The following SUCLG2 variants were observed in gnomAD, a reference collection of about 807,000 sequenced individuals.
The protein encoded by SUCLG2 is succinate--CoA ligase [GDP-forming] subunit beta, mitochondrial.
SUCLG2 carries 42 observed loss-of-function variants against 47.9 expected under a neutral mutation model. The observed-to-expected ratio is 0.88, with a 90% CI of 0.69 to 1.14. The LOEUF (loss-of-function observed/expected upper bound fraction) is 1.14. SUCLG2 is among the 50% of genes most tolerant of loss of function. The pLI is 0.00. For synonymous variants in SUCLG2, 195 were observed against 197.3 expected, an observed-to-expected ratio of 0.99 and a Z score of 0.10; for missense variants, 571 against 525.9, an observed-to-expected ratio of 1.09 and a Z score of -0.84.
Position 67,461,779 on chromosome 3 carries a change from C to T in SUCLG2, c.1062+34019G>A, listed in dbSNP as rs550647950. On this transcript the variant is annotated intron_variant, in intron 9 of 10. Transcript: ENST00000307227. Reference sequence around the variant, plus strand: ...ATGTCCCCTGGGAGGTAGCATGGCCCCCAGCTGAGAACAGCTGATCTGGTC... The same window carrying T: ...ATGTCCCCTGGGAGGTAGCATGGCCTCCAGCTGAGAACAGCTGATCTGGTC... Among the ~76,000 whole-genome samples, 5 of 152,154 alleles carry T rather than the reference C, an allele frequency of 3.3e-5. No homozygotes were observed. The East Asian group carries it at 5.8e-4, about 18-fold the overall frequency.
chr3:67,623,028 C>G (rs543065972), intron 1 of SUCLG2, among the ~76,000 whole-genome samples: 1 of 152,268 alleles, frequency 6.6e-6, no homozygotes, highest in East Asian at 1.9e-4. Flanking sequence ...ACAAATAACT[C>G]TAGAAGTTGT....
At chr3:67,494,139 A>G (rs1347517999) in intron 9 of SUCLG2, among the ~76,000 whole-genome samples, 1 of 152,186 alleles carries the variant, frequency 6.6e-6, no homozygotes, top group Non-Finnish European at 1.5e-5. Context: ...TATGCATGCA[A>G]AACAAAACAG....
In SUCLG2 at chr3:67,589,093, T is replaced by G. The variant is rs80176671; in HGVS notation, c.226+20362A>C. On this transcript the variant is annotated intron_variant, in intron 2 of 10. Coordinates refer to ENST00000307227, the MANE Select transcript of SUCLG2 (RefSeq NM_003848.4). ...CTGTCCCTTGAAGTCACCAAGTACC[T>G]GGCCATCACCTATGTGATCCACCCA... 9.9e-3 allele frequency among the ~76,000 whole-genome samples: 1,509 copies of G among 152,266 alleles called. 8 individuals carry two copies. Among genetic ancestry groups the G allele is most frequent in the Non-Finnish European group, 0.016 (1,074 of 68,014 alleles).
chr3:67,526,315 A>G (rs1324682537), intron 4 of SUCLG2, among the ~76,000 whole-genome samples: 1 of 152,208 alleles, frequency 6.6e-6, no homozygotes, highest in African/African-American at 2.4e-5. Context: ...AAAAAATCTC[A>G]TAATGTTTAG....
intron 2 of SUCLG2, among the ~76,000 whole-genome samples, chr3:67,590,459 C>T (rs1354664678): frequency 1.3e-5 from 2 of 151,992 alleles, no homozygotes; most frequent in African/African-American, 4.8e-5. Flanking sequence ...GGGGGAAGAT[C>T]CCTCATGAAT....
chr3:67,479,789 C>T (rs1051966112), intron 9 of SUCLG2, among the ~76,000 whole-genome samples: 1 of 152,178 alleles, frequency 6.6e-6, no homozygotes, highest in African/African-American at 2.4e-5. Context: ...TATAGAAAGT[C>T]ACTTAAAAAT....
intron 1 of SUCLG2, among the ~76,000 whole-genome samples, chr3:67,616,353 G>A (rs973777889): frequency 6.6e-6 from 1 of 152,138 alleles, no homozygotes; most frequent in Non-Finnish European, 1.5e-5. Context: ...CCAGCAAGCT[G>A]CAGAACAATA....
chr3:67,543,465 G>A (rs533345611), intron 2 of SUCLG2, among the ~76,000 whole-genome samples: 2 of 152,114 alleles, frequency 1.3e-5, no homozygotes, highest in Non-Finnish European at 2.9e-5. Flanking sequence ...CCAGGAGTTC[G>A]AGACAAGCCT....
intron 2 of SUCLG2, among the ~76,000 whole-genome samples, chr3:67,583,503 C>T (rs575706883): frequency 2.0e-5 from 3 of 152,248 alleles, no homozygotes; most frequent in East Asian, 1.9e-4. Context: ...CTTTTGCTGT[C>T]GTGGCAGATT....
At chr3:67,534,808 G>A (rs1433697212) in intron 2 of SUCLG2, among the ~76,000 whole-genome samples, 2 of 121,672 alleles carry the variant, frequency 1.6e-5, no homozygotes, top group Non-Finnish European at 3.3e-5. Context: ...AAATGCCCAT[G>A]TGACATCATT....
At chr3:67,567,353 T>A (rs1241049522) in intron 2 of SUCLG2, among the ~76,000 whole-genome samples, 1 of 151,868 alleles carries the variant, frequency 6.6e-6, no homozygotes, top group Non-Finnish European at 1.5e-5. Flanking sequence ...TAGAGTACAG[T>A]GATGTAATCA....
chr3:67,598,851 A>G (rs1708352716), intron 2 of SUCLG2, among the ~76,000 whole-genome samples: 1 of 152,208 alleles, frequency 6.6e-6, no homozygotes, highest in Non-Finnish European at 1.5e-5. Context: ...AGATGAGGAA[A>G]TGGAGCCTTC....
chr3:67,509,226 A>T (rs945036475), intron 6 of SUCLG2, among the ~76,000 whole-genome samples: 1 of 152,210 alleles, frequency 6.6e-6, no homozygotes, highest in Non-Finnish European at 1.5e-5. Context: ...ACAATCATTA[A>T]TACAAACAAG....
At chr3:67,508,691 T>G in intron 7 of SUCLG2, 116 bp downstream of exon 7, 1 of 788,916 alleles carries the variant, frequency 1.3e-6, no homozygotes, top group Non-Finnish European at 2.0e-6. Flanking sequence ...TGGCAGAAAT[T>G]AAATTACTGA....
chr3:67,587,753 C>A (rs571221356), intron 2 of SUCLG2, among the ~76,000 whole-genome samples: 1 of 152,260 alleles, frequency 6.6e-6, no homozygotes, highest in South Asian at 2.1e-4. Flanking sequence ...TCAAATGTGT[C>A]ACCAAAGCCT....
At chr3:67,422,564 G>A (rs1175301101) in intron 9 of SUCLG2, among the ~76,000 whole-genome samples, 1 of 150,144 alleles carries the variant, frequency 6.7e-6, no homozygotes, top group Non-Finnish European at 1.5e-5. Context: ...TTGAGATGTG[G>A]AGACAAAGGA....
chr3:67,407,182 C>G (rs1043916317), intron 9 of SUCLG2, among the ~76,000 whole-genome samples: 5 of 152,188 alleles, frequency 3.3e-5, no homozygotes, highest in African/African-American at 1.2e-4. Flanking sequence ...TTTACAACAA[C>G]AAGCGGTGAG....
intron 10 of SUCLG2, among the ~76,000 whole-genome samples, chr3:67,396,887 T>A (rs921382184): frequency 1.3e-5 from 2 of 152,190 alleles, no homozygotes; most frequent in African/African-American, 4.8e-5. Flanking sequence ...TAAATAAATG[T>A]AATCCAGCAT....
chr3:67,576,437 T>C (rs573562723), intron 2 of SUCLG2, among the ~76,000 whole-genome samples: 1 of 152,344 alleles, frequency 6.6e-6, no homozygotes, highest in South Asian at 2.1e-4. Flanking sequence ...GAAATTTTCT[T>C]GATTCAGAAT....
Sources: gnomAD v4.1 joint callset for allele counts (sites outside exome capture counted in the v4.1 genomes callset) on GRCh38, gnomAD v4.1.1 for gene constraint, MANE v1.5 for transcripts, NCBI Gene and HGNC (gene_info 2026-07-23, HGNC 2026-07-21) for gene names.